Variants in MRPL42 observed in about 807,000 individuals in gnomAD.
MRPL42 encodes large ribosomal subunit protein mL42.
In MRPL42, 17 loss-of-function variants were observed where a neutral mutation model predicts 17.9. The ratio of observed to expected loss-of-function variants is 0.95; its 90% confidence interval spans 0.65 to 1.42. The LOEUF is 1.42. Ranked by LOEUF, MRPL42 falls within the 40% of genes most tolerant of loss-of-function variation. The pLI, the probability that MRPL42 is intolerant of heterozygous loss-of-function variation, is 0.00. For synonymous variants in MRPL42, 59 were observed against 54.4 expected, an observed-to-expected ratio of 1.08 and a Z score of -0.37; for missense variants, 177 against 175.2, an observed-to-expected ratio of 1.01 and a Z score of -0.06.
intron 4 of MRPL42, among the ~76,000 whole-genome samples, chr12:93,485,351 A>G (rs1362126727): frequency 6.6e-6 from 1 of 151,092 alleles, no homozygotes; most frequent in South Asian, 2.1e-4. Context: ...TTTTGTAGAG[A>G]CAGCGTCTCC....
At position 93,511,457 on chromosome 12, in the gene MRPL42, A is replaced by C. The variant is rs1379278038; in HGVS notation, c.*10236A>C. 6.6e-6 allele frequency: 1 copy of C among 152,210 alleles called. No homozygotes were observed. Among genetic ancestry groups the C allele is most frequent in the African/African-American group, 2.4e-5 (1 of 41,478 alleles). The allele number at this position is 152,210 out of a possible 1,614,324, so 9.4% of individuals were successfully genotyped here. ...ATATATAGACAATAATTGTCTTAAT[A>C]ATAATCAGCATCAAAGATTCTTAGA... On this transcript the variant is annotated 3_prime_UTR_variant, in exon 6 of 6. Coordinates refer to ENST00000549982, the MANE Select transcript of MRPL42 (RefSeq NM_014050.4).
chr12:93,486,827 CT>C (rs375744452), intron 4 of MRPL42, among the ~76,000 whole-genome samples: 11 of 148,406 alleles, frequency 7.4e-5, no homozygotes, highest in South Asian at 2.1e-4. Flanking sequence ...TTCTTTTTTT[CT>C]TTTTTTTTTA....
chr12:93,468,538 T>C (rs957473682), intron 1 of MRPL42, among the ~76,000 whole-genome samples: 64 of 152,168 alleles, frequency 4.2e-4, no homozygotes, highest in Non-Finnish European at 7.5e-4. Flanking sequence ...AGTTTCTTCA[T>C]GAATCAGAAT....
At chr12:93,470,923 G>A (rs1310813096) in intron 2 of MRPL42, among the ~76,000 whole-genome samples, 1 of 152,178 alleles carries the variant, frequency 6.6e-6, no homozygotes, top group Non-Finnish European at 1.5e-5. Flanking sequence ...TGCAAGTGCA[G>A]CTGACTTTTT....
Position 93,507,231 on chromosome 12 carries a change from C to T in MRPL42, c.*6010C>T, listed in dbSNP as rs2121296666. ...ACTCCATCATTCCACTGGATGTGCC[C>T]CTGAAATCATATATTTACTACTAAA... On this transcript the variant is annotated 3_prime_UTR_variant, in exon 6 of 6. Transcript: ENST00000549982. The T allele has an allele frequency of 6.6e-6, 1 of 152,238 alleles. No homozygotes were observed. Among genetic ancestry groups the T allele is most frequent in the Admixed American group, 6.5e-5 (1 of 15,296 alleles). The allele number at this position is 152,238 out of a possible 1,614,324, so 9.4% of individuals were successfully genotyped here. A position where few individuals can be genotyped will look rare whatever the true frequency, so the allele number is the denominator to read the frequency against.
intron 2 of MRPL42, among the ~76,000 whole-genome samples, chr12:93,470,138 G>A (rs1490664811): frequency 6.6e-6 from 1 of 152,046 alleles, no homozygotes; most frequent in Non-Finnish European, 1.5e-5. Flanking sequence ...GATTGTCATT[G>A]TGTTTTTTCT....
intron 5 of MRPL42, among the ~76,000 whole-genome samples, chr12:93,492,745 CAA>C (rs1215621784): frequency 3.9e-5 from 6 of 152,258 alleles, no homozygotes; most frequent in African/African-American, 1.4e-4. Context: ...CTAAACTGAA[CAA>C]AGTCAAGTTC....
chr12:93,501,132 T>G (rs1953587846), intron 5 of MRPL42, 44 bp from the exon 6 acceptor site: 3 of 1,429,132 alleles, frequency 2.1e-6, no homozygotes, highest in Non-Finnish European at 2.8e-6. Flanking sequence ...CAGGAATAAT[T>G]TTTATTAAAA....
chr12:93,505,789 A>T lies in MRPL42; in HGVS notation c.*4568A>T, dbSNP rs1953663139. The T allele has an allele frequency of 6.6e-6, 1 of 152,128 alleles. No homozygotes were observed. The highest frequency in any genetic ancestry group is 2.4e-5 in the African/African-American group (1 of 41,400). The allele number at this position is 152,128 out of a possible 1,614,324, so 9.4% of individuals were successfully genotyped here. ...TCTGCAGAAATGCTTCACAGCCATGACTGCTTGAATTCTTGTCATGTTGCT... is the reference window on the plus strand; with the variant it reads ...TCTGCAGAAATGCTTCACAGCCATGTCTGCTTGAATTCTTGTCATGTTGCT... On this transcript the variant is annotated 3_prime_UTR_variant, in exon 6 of 6. Coordinates refer to ENST00000549982, the MANE Select transcript of MRPL42 (RefSeq NM_014050.4).
At chr12:93,492,691 A>G (rs978081691) in intron 5 of MRPL42, among the ~76,000 whole-genome samples, 2 of 152,268 alleles carry the variant, frequency 1.3e-5, no homozygotes, top group African/African-American at 2.4e-5. Flanking sequence ...CTGTTCAATT[A>G]TATTTACTAC....
At chr12:93,500,231 C>G (rs1953564431) in intron 5 of MRPL42, among the ~76,000 whole-genome samples, 1 of 152,128 alleles carries the variant, frequency 6.6e-6, no homozygotes, top group South Asian at 2.1e-4. Context: ...ATTTTAACTA[C>G]TTTTTCTATA....
At position 93,501,202 on chromosome 12, in the gene MRPL42, A is replaced by G; in HGVS notation, c.410A>G (p.Asn137Ser). ...TATCACAGATGTCGTAAGAATCTGA[A>G]TCCTCCAAAAGACAGATGATGCGGA... ...GRYHRCRKNL[N>S]PPKDR Residue 137 changes from asparagine (N) to serine (S), a missense_variant, in exon 6 of 6, where the codon AAT becomes AGT. Coordinates refer to ENST00000549982, the MANE Select transcript of MRPL42 (RefSeq NM_014050.4). 1 of 1,602,310 alleles carries G rather than the reference A, an allele frequency of 6.2e-7. No homozygotes were observed. The highest frequency in any genetic ancestry group is 8.5e-7 in the Non-Finnish European group (1 of 1,176,458).
At chr12:93,469,378 T>A in intron 2 of MRPL42, 23 bp downstream of exon 2, 1 of 1,519,194 alleles carries the variant, frequency 6.6e-7, no homozygotes, top group Non-Finnish European at 9.0e-7. Context: ...TTTTTTAATG[T>A]TTAAAAACTT....
At chr12:93,478,776 T>C (rs901317081) in intron 3 of MRPL42, among the ~76,000 whole-genome samples, 1 of 152,176 alleles carries the variant, frequency 6.6e-6, no homozygotes, top group Non-Finnish European at 1.5e-5. Context: ...CTTTGTTAGC[T>C]ACAAATGTAT....
At chr12:93,496,409 G>A (rs1434681947) in intron 5 of MRPL42, among the ~76,000 whole-genome samples, 1 of 151,966 alleles carries the variant, frequency 6.6e-6, no homozygotes, top group East Asian at 1.9e-4. Context: ...ACCAAAAAAA[G>A]TCACCTAAAA....
At chr12:93,478,236 G>A (rs1316935932) in intron 3 of MRPL42, among the ~76,000 whole-genome samples, 1 of 151,814 alleles carries the variant, frequency 6.6e-6, no homozygotes, top group Non-Finnish European at 1.5e-5. Context: ...GATTACAGGT[G>A]TGAGCCATCA....
intron 2 of MRPL42, chr12:93,470,590 G>A: frequency 8.1e-7 from 1 of 1,227,034 alleles, no homozygotes; most frequent in East Asian, 5.8e-5. Flanking sequence ...GTACCCAATA[G>A]GTAGTTTTTC....
intron 4 of MRPL42, among the ~76,000 whole-genome samples, chr12:93,481,306 C>T (rs1047061324): frequency 2.0e-5 from 3 of 152,166 alleles, no homozygotes; most frequent in Non-Finnish European, 4.4e-5. Flanking sequence ...GACGTTACTT[C>T]CCCAGCAGTT....
intron 2 of MRPL42, among the ~76,000 whole-genome samples, chr12:93,474,879 C>G (rs1179287512): frequency 6.6e-6 from 1 of 151,922 alleles, no homozygotes; most frequent in African/African-American, 2.4e-5. Context: ...GCTGATCACC[C>G]AAGGTCAGGA....
Sources: allele counts gnomAD v4.1 joint callset (sites outside exome capture counted in the v4.1 genomes callset), GRCh38; gene constraint gnomAD v4.1.1; transcripts MANE v1.5; gene names NCBI Gene and HGNC (gene_info 2026-07-23, HGNC 2026-07-21).